PARD6G: variants seen among roughly 807,000 people sequenced by gnomAD.
The protein encoded by PARD6G is partitioning defective 6 homolog gamma.
A neutral mutation model predicts 10.7 loss-of-function variants in PARD6G; 7 were observed. The observed-to-expected ratio is 0.66, with a 90% CI of 0.37 to 1.23. PARD6G has a LOEUF of 1.23. Among genes scored for constraint, PARD6G ranks in the 50% most tolerant of loss-of-function variants. The pLI, the probability that PARD6G is intolerant of heterozygous loss-of-function variation, is 0.02. For missense variants in PARD6G, 548 were observed against 571.8 expected (o/e 0.96, Z 0.42); for synonymous variants, 287 against 269.4 (o/e 1.07, Z -0.64).
At chr18:80,187,427 G>A (rs1017728799) in intron 2 of PARD6G, among the ~76,000 whole-genome samples, 1 of 152,212 alleles carries the variant, frequency 6.6e-6, no homozygotes, top group African/African-American at 2.4e-5. Context: ...TACCCACTGT[G>A]GACACATGTA....
chr18:80,185,281 AG>A (rs1012295526), intron 2 of PARD6G, among the ~76,000 whole-genome samples: 29 of 151,868 alleles, frequency 1.9e-4, no homozygotes, highest in African/African-American at 5.8e-4. Flanking sequence ...ACACACTCAC[AG>A]GGTCTCTCAC....
At chr18:80,207,193 ATC>A in intron 1 of PARD6G, among the ~76,000 whole-genome samples, 1 of 98,078 alleles carries the variant, frequency 1.0e-5, no homozygotes, top group African/African-American at 2.9e-5. Flanking sequence ...GCTAGTGATT[ATC>A]AATAAATACT....
intron 2 of PARD6G, chr18:80,171,301 T>C (rs980297406): frequency 6.6e-6 from 1 of 152,180 alleles, no homozygotes; most frequent in Non-Finnish European, 1.5e-5. Flanking sequence ...GAAGTCACTC[T>C]GGGTGGGGGT....
intron 2 of PARD6G, among the ~76,000 whole-genome samples, chr18:80,186,625 T>C (rs576906251): frequency 9.9e-5 from 15 of 151,834 alleles, no homozygotes; most frequent in Admixed American, 4.6e-4. Context: ...CGTGCACTCA[T>C]AGCTGCTGCT....
intron 1 of PARD6G, among the ~76,000 whole-genome samples, chr18:80,235,775 C>T (rs1255643230): frequency 3.3e-5 from 5 of 152,204 alleles, no homozygotes; most frequent in African/African-American, 4.8e-5. Context: ...TTCCTCGACA[C>T]ATACACCCTC....
Position 80,160,455 on chromosome 18 carries a change from C to G in PARD6G, c.447G>C (p.Val149=). 2 of 1,576,062 alleles carry G rather than the reference C, an allele frequency of 1.3e-6. No homozygotes were observed. Among genetic ancestry groups the G allele is most frequent in the Non-Finnish European group, 1.7e-6 (2 of 1,160,852 alleles). ...GCCGGTGCGTCTCGGGGACCAGGTCCACATCGATGATGGATGATACGGGGC... is the reference window on the plus strand; with the variant it reads ...GCCGGTGCGTCTCGGGGACCAGGTCGACATCGATGATGGATGATACGGGGC... The part of the protein sequence containing the change: ...DFRPVSSIID[V]DLVPETHRRV... The change falls in exon 3 of 3, where the codon GTG becomes GTC. Residue 149 remains valine (V), a synonymous_variant. Coordinates refer to ENST00000353265, the MANE Select transcript of PARD6G (RefSeq NM_032510.4).
At chr18:80,229,025 ACCT>A (rs1382984108) in intron 1 of PARD6G, among the ~76,000 whole-genome samples, 2 of 151,568 alleles carry the variant, frequency 1.3e-5, no homozygotes, top group Non-Finnish European at 2.9e-5. Flanking sequence ...CATAACCTCC[ACCT>A]CCTGGGTTCA....
At chr18:80,236,037 A>T (rs1210270512) in intron 1 of PARD6G, among the ~76,000 whole-genome samples, 1 of 152,196 alleles carries the variant, frequency 6.6e-6, no homozygotes, top group Non-Finnish European at 1.5e-5. Context: ...AGCCTGGCAG[A>T]GACATAACAA....
chr18:80,197,377 A>T (rs1438264853), intron 2 of PARD6G: 1 of 152,222 alleles, frequency 6.6e-6, no homozygotes, highest in Non-Finnish European at 1.5e-5. Flanking sequence ...AAGTGAAATC[A>T]GAGCAAAATA....
chr18:80,157,444 A>T lies in PARD6G; in HGVS notation c.*2327T>A, dbSNP rs1479222778. Reference sequence around the variant, plus strand: ...AATCTCAGTGAAAGCCTCATTTCTTAAAAAAAAACTCACATTTGCTTAACA... The same window carrying T: ...AATCTCAGTGAAAGCCTCATTTCTTTAAAAAAAACTCACATTTGCTTAACA... On this transcript the variant is annotated 3_prime_UTR_variant, in exon 3 of 3. Coordinates refer to ENST00000353265, the MANE Select transcript of PARD6G (RefSeq NM_032510.4). The T allele has an allele frequency of 6.6e-6, 1 of 151,654 alleles. No homozygotes were observed. Among genetic ancestry groups the T allele is most frequent in the Non-Finnish European group, 1.5e-5 (1 of 67,866 alleles). 9.4% of individuals were successfully genotyped at this position (151,654 alleles called of 1,614,324 possible).
At chr18:80,186,588 G>A (rs2052880850) in intron 2 of PARD6G, among the ~76,000 whole-genome samples, 1 of 151,766 alleles carries the variant, frequency 6.6e-6, no homozygotes. Flanking sequence ...CCCCCCCAAA[G>A]GATGCACACA....
In PARD6G at chr18:80,183,293, C is replaced by A; in HGVS notation, c.295+19417G>T. 1 of 645,854 alleles carries A rather than the reference C, an allele frequency of 1.5e-6. No individual in the cohort carries two copies. The highest frequency in any genetic ancestry group is 2.8e-6 in the Non-Finnish European group (1 of 356,868). The allele number at this position is 645,854 out of a possible 1,614,324, so 40.0% of individuals were successfully genotyped here. A position where few individuals can be genotyped will look rare whatever the true frequency, so the allele number is the denominator to read the frequency against. ...CATACAGGCATAGTGGAAAAGTACG[C>A]TGACCTTCTCAGTGGCTCTAAAACA... On this transcript the variant is annotated intron_variant, in intron 2 of 2. Transcript: ENST00000353265. This position sits in a 1 kb window ranked among gnomAD's most constrained non-coding sequence, Gnocchi z 4.5.
At chr18:80,194,579 A>G (rs1433583427) in intron 2 of PARD6G, among the ~76,000 whole-genome samples, 1 of 152,142 alleles carries the variant, frequency 6.6e-6, no homozygotes, top group Non-Finnish European at 1.5e-5. Flanking sequence ...TGCATGAGCT[A>G]TGGACATTCA....
At chr18:80,168,544 C>T (rs1010044030) in intron 2 of PARD6G, among the ~76,000 whole-genome samples, 1 of 151,488 alleles carries the variant, frequency 6.6e-6, no homozygotes, top group African/African-American at 2.4e-5. Context: ...ACCCTCTCTC[C>T]CCATATCCTG....
At chr18:80,233,413 C>T (rs1315393128) in intron 1 of PARD6G, among the ~76,000 whole-genome samples, 1 of 152,158 alleles carries the variant, frequency 6.6e-6, no homozygotes, top group African/African-American at 2.4e-5. Context: ...TGCTGATGGG[C>T]CCAAGGTGAC....
At chr18:80,202,263 T>C (rs1967014868) in intron 2 of PARD6G, among the ~76,000 whole-genome samples, 2 of 152,140 alleles carry the variant, frequency 1.3e-5, no homozygotes, top group South Asian at 4.1e-4. Flanking sequence ...TGTTAGTAAT[T>C]TATTTTAACA....
At chr18:80,226,174 T>G (rs1408917804) in intron 1 of PARD6G, among the ~76,000 whole-genome samples, 10 of 142,724 alleles carry the variant, frequency 7.0e-5, no homozygotes, top group Non-Finnish European at 9.1e-5. Context: ...TTTTTTTTTT[T>G]TTTTTTTTTT....
At chr18:80,171,869 C>T (rs1045662696) in intron 2 of PARD6G, 1 of 152,178 alleles carries the variant, frequency 6.6e-6, no homozygotes, top group African/African-American at 2.4e-5. Context: ...TTTCTAGTTT[C>T]GGGCTATTGT....
intron 1 of PARD6G, among the ~76,000 whole-genome samples, chr18:80,221,212 G>A (rs1368031162): frequency 6.6e-6 from 1 of 152,136 alleles, no homozygotes; most frequent in Non-Finnish European, 1.5e-5. Context: ...TTTATGCTAT[G>A]AGGTCAGCTT....
Sources: gnomAD v4.1 joint callset for allele counts (sites outside exome capture counted in the v4.1 genomes callset) on GRCh38, gnomAD v4.1.1 for gene constraint, Gnocchi (gnomAD v3.1) non-coding constraint, MANE v1.5 for transcripts, NCBI Gene and HGNC (gene_info 2026-07-23, HGNC 2026-07-21) for gene names.